The following GFI1 variants were observed in gnomAD, a reference collection of about 807,000 sequenced individuals.
GFI1 encodes the protein zinc finger protein Gfi-1.
Under a neutral mutation model 39.2 loss-of-function variants are expected in GFI1, and 15 were observed. The ratio of observed to expected loss-of-function variants is 0.38; its 90% CI spans 0.26 to 0.59. The LOEUF is 0.59. GFI1 is among the 20% of genes least tolerant of loss of function. The pLI is 0.62. For synonymous variants in GFI1, 239 were observed against 254.3 expected (o/e 0.94, Z 0.57); for missense variants, 475 against 574.0 (o/e 0.83, Z 1.76).
Position 92,481,169 on chromosome 1 carries a change from G to C in GFI1, c.299-81C>G. 1 of 1,249,510 alleles carries C rather than the reference G, an allele frequency of 8.0e-7. No homozygotes were observed. The highest frequency in any genetic ancestry group is 1.3e-5 in the South Asian group (1 of 78,716). The allele number at this position is 1,249,510 out of a possible 1,614,324, so 77.4% of individuals were successfully genotyped here. ...GCCGGGCTGCGGCTGCGAGCGTGGCGTGTTCGCGGACTGCGGGGCACCCAG... is the reference window on the plus strand; with the variant it reads ...GCCGGGCTGCGGCTGCGAGCGTGGCCTGTTCGCGGACTGCGGGGCACCCAG... On this transcript the variant is annotated intron_variant, in intron 3 of 6. Transcript: ENST00000294702. The surrounding 1 kb of genome is among the most constrained non-coding windows in gnomAD (Gnocchi z 4.3).
Position 92,480,903 on chromosome 1 carries a change from C to G in GFI1, c.484G>C (p.Gly162Arg). The change falls in exon 4 of 7, where the codon GGC becomes CGC. Residue 162 changes from glycine (G) to arginine (R), a missense_variant. Coordinates refer to ENST00000294702, the MANE Select transcript of GFI1 (RefSeq NM_005263.5). The surrounding 1 kb of genome is among the most constrained non-coding windows in gnomAD (Gnocchi z 5.6). ...GLFCEPAPEP[G>R]HPAALYGPKR... ...GGGCCGTACAGCGCGGCCGGGTGGC[C>G]AGGCTCCGGGGCGGGTTCGCAGAAG... is the stretch of plus-strand genomic sequence containing the variant. The G allele has an allele frequency of 6.5e-7, 1 of 1,546,006 alleles. No homozygotes were observed. The highest frequency in any genetic ancestry group is 8.7e-7 in the Non-Finnish European group (1 of 1,145,136).
In GFI1 at chr1:92,483,395, A is replaced by T; in HGVS notation, c.93T>A (p.Asn31Lys). The T allele has an allele frequency of 6.2e-7, 1 of 1,611,188 alleles. No individual in the cohort carries two copies. Among genetic ancestry groups the T allele is most frequent in the Non-Finnish European group, 8.5e-7 (1 of 1,177,560 alleles). Residue 31 changes from asparagine to lysine, a missense_variant, in exon 2 of 7, where the codon AAT (asparagine) becomes AAA (lysine). Transcript: ENST00000294702. ...CACCTGCTCGGCTAGGCGCCGGTAC[A>T]TTCTCTAAACGGAGGGAATAGTCTG... ...PGPDYSLRLE[N>K]VPAPSRADST...
chr1:92,478,501 CACCA>C, intron 6 of GFI1, 83 bp downstream of exon 6: 2 of 1,142,848 alleles, frequency 1.8e-6, no homozygotes, highest in Non-Finnish European at 1.3e-6. Context: ...AGGCCTCATC[CACCA>C]CTCACTGGGG....
chr1:92,479,616 C>T (rs979533004), intron 5 of GFI1, among the ~76,000 whole-genome samples: 1 of 152,150 alleles, frequency 6.6e-6, no homozygotes, highest in African/African-American at 2.4e-5. Flanking sequence ...CTTTGGGAGG[C>T]CCAGGCTGGT....
chr1:92,474,090 G>T lies in GFI1; in HGVS notation c.*1939C>A, dbSNP rs1395503918. The stretch of plus-strand genomic sequence containing the variant: ...GGGATTTTGGCCAGGATTTTATTCT[G>T]GTTTCATTCTCTTAAAGGATTGACT... On this transcript the variant is annotated 3_prime_UTR_variant, in exon 7 of 7. Coordinates refer to ENST00000294702, the MANE Select transcript of GFI1 (RefSeq NM_005263.5). 6.6e-6 allele frequency among the ~76,000 whole-genome samples: 1 copy of T among 152,172 alleles called. No individual in the cohort carries two copies. Among genetic ancestry groups the T allele is most frequent in the East Asian group, 1.9e-4 (1 of 5,196 alleles).
chr1:92,478,874 T>C, intron 5 of GFI1, 121 bp from the exon 6 acceptor site: 1 of 1,354,774 alleles, frequency 7.4e-7, no homozygotes, highest in Non-Finnish European at 1.0e-6. Context: ...GAACACTTTT[T>C]CTTTCTTTTT....
chr1:92,474,867 G>A lies in GFI1; in HGVS notation c.*1162C>T, dbSNP rs1657884096. 6.6e-6 allele frequency: 1 copy of A among 152,638 alleles called. No individual in the cohort carries two copies. The allele number at this position is 152,638 out of a possible 1,614,324, so 9.5% of individuals were successfully genotyped here. A position where few individuals can be genotyped will look rare whatever the true frequency, so the allele number is the denominator to read the frequency against. ...AAAAACATTTACCAACCTCATCAAA[G>A]TGAAAATACCACCTTTCCCCCCTCT... is the stretch of plus-strand genomic sequence containing the variant. On this transcript the variant is annotated 3_prime_UTR_variant, in exon 7 of 7. Transcript: ENST00000294702.
chr1:92,484,765 T>C lies in GFI1; in HGVS notation c.-99-1179A>G, dbSNP rs541856093. 2.6e-5 allele frequency: 4 copies of C among 152,338 alleles called. No individual in the cohort carries two copies. Among genetic ancestry groups the C allele is most frequent in the Admixed American group, 6.5e-5 (1 of 15,300 alleles). 9.4% of individuals were successfully genotyped at this position (152,338 alleles called of 1,614,324 possible). On this transcript the variant is annotated intron_variant, in intron 1 of 6. Coordinates refer to ENST00000294702, the MANE Select transcript of GFI1 (RefSeq NM_005263.5). This position sits in a 1 kb window ranked among gnomAD's most constrained non-coding sequence, Gnocchi z 4.1. ...GCGGTACCCCACAGTCGAGGTGGTC[T>C]GGAGTAAACGAATCTGCCTTCCTCC...
chr1:92,486,855 C>A lies in GFI1; in HGVS notation c.-229G>T, dbSNP rs938478711. ...GGCGGCGCGTCCCGCGGGCGCCCGGCGGGACCGGTGGGCGCACCCTCCCTG... is the reference window on the plus strand; with the variant it reads ...GGCGGCGCGTCCCGCGGGCGCCCGGAGGGACCGGTGGGCGCACCCTCCCTG... On this transcript the variant is annotated 5_prime_UTR_variant, in exon 1 of 7. Coordinates refer to ENST00000294702, the MANE Select transcript of GFI1 (RefSeq NM_005263.5). 1 of 152,136 alleles carries A rather than the reference C, an allele frequency of 6.6e-6. No individual in the cohort carries two copies. Among genetic ancestry groups the A allele is most frequent in the Non-Finnish European group, 1.5e-5 (1 of 67,998 alleles). The allele number at this position is 152,136 out of a possible 1,614,324, so 9.4% of individuals were successfully genotyped here. A position where few individuals can be genotyped will look rare whatever the true frequency, so the allele number is the denominator to read the frequency against.
At position 92,473,500 on chromosome 1, in the gene GFI1, G is replaced by A. The variant is rs1345864704; in HGVS notation, c.*2529C>T. On this transcript the variant is annotated 3_prime_UTR_variant, in exon 7 of 7. Coordinates refer to ENST00000294702, the MANE Select transcript of GFI1 (RefSeq NM_005263.5). The stretch of plus-strand genomic sequence containing the variant: ...CGCTGCAACTGTTCATCATCCATCA[G>A]TTCTGAAAAACTATCTTAAACTCCA... Among the ~76,000 whole-genome samples the A allele has an allele frequency of 5.3e-5, 8 of 152,138 alleles. No individual in the cohort carries two copies.
In GFI1 at chr1:92,486,210, C is replaced by G. The variant is rs879888857; in HGVS notation, c.-100+516G>C. 2.6e-5 allele frequency: 4 copies of G among 152,536 alleles called. No homozygotes were observed. In the East Asian group the frequency reaches 7.7e-4, roughly 29 times the overall value. 9.4% of individuals were successfully genotyped at this position (152,536 alleles called of 1,614,324 possible). A position where few individuals can be genotyped will look rare whatever the true frequency, so the allele number is the denominator to read the frequency against. ...CCCTCCCAGACCTGCTCCCAACCCCCGTCGGGCGGCCGGGCGCGCTCCTTT... is the reference window on the plus strand; with the variant it reads ...CCCTCCCAGACCTGCTCCCAACCCCGGTCGGGCGGCCGGGCGCGCTCCTTT... On this transcript the variant is annotated intron_variant, in intron 1 of 6. Coordinates refer to ENST00000294702, the MANE Select transcript of GFI1 (RefSeq NM_005263.5).
In GFI1 at chr1:92,481,234, C is replaced by A; in HGVS notation, c.299-146G>T. 1.3e-6 allele frequency: 1 copy of A among 772,536 alleles called. No individual in the cohort carries two copies. Among genetic ancestry groups the A allele is most frequent in the Non-Finnish European group, 2.2e-6 (1 of 459,096 alleles). The allele number at this position is 772,536 out of a possible 1,614,324, so 47.9% of individuals were successfully genotyped here. On this transcript the variant is annotated intron_variant, in intron 3 of 6. Transcript: ENST00000294702. This position sits in a 1 kb window ranked among gnomAD's most constrained non-coding sequence, Gnocchi z 4.3. Reference sequence around the variant, plus strand: ...TGCGTGCGCCAGGTGCCAGGCTCGCCCCAGGGTAAAACGTGGCCCGGGCCC... The same window carrying A: ...TGCGTGCGCCAGGTGCCAGGCTCGCACCAGGGTAAAACGTGGCCCGGGCCC...
In GFI1 at chr1:92,482,582, C is replaced by T. The variant is rs1279055079; in HGVS notation, c.298+282G>A. On this transcript the variant is annotated intron_variant, in intron 3 of 6. Coordinates refer to ENST00000294702, the MANE Select transcript of GFI1 (RefSeq NM_005263.5). The surrounding 1 kb of genome is among the most constrained non-coding windows in gnomAD (Gnocchi z 4.4). Reference sequence around the variant, plus strand: ...AGGTCAGCGTTGCCGCCAGTCGAAACGACTGGTTTGTTTTCCGTCACTGGC... The same window carrying T: ...AGGTCAGCGTTGCCGCCAGTCGAAATGACTGGTTTGTTTTCCGTCACTGGC... 6.6e-6 allele frequency among the ~76,000 whole-genome samples: 1 copy of T among 152,188 alleles called. No individual in the cohort carries two copies. The highest frequency in any genetic ancestry group is 1.5e-5 in the Non-Finnish European group (1 of 68,034).
rs749086151 is a variant in GFI1, at chr1:92,480,023, CAG to C, written c.924+323_924+324del. On this transcript the variant is annotated intron_variant, in intron 5 of 6. Coordinates refer to ENST00000294702, the MANE Select transcript of GFI1 (RefSeq NM_005263.5). The surrounding 1 kb of genome is among the most constrained non-coding windows in gnomAD (Gnocchi z 5.6). ...GGTGAAAAGAATAGGCACAAAGAAACAGAGCTAGTAAGTCTGATATATCAGCA... is the reference window on the plus strand; with the variant it reads ...GGTGAAAAGAATAGGCACAAAGAAACAGCTAGTAAGTCTGATATATCAGCA... Among the ~76,000 whole-genome samples, 2 of 152,136 alleles carry C rather than the reference CAG, an allele frequency of 1.3e-5. No homozygotes were observed. The highest frequency in any genetic ancestry group is 1.5e-5 in the Non-Finnish European group (1 of 68,020).
chr1:92,483,414 T>C lies in GFI1; in HGVS notation c.74A>G (p.Tyr25Cys), dbSNP rs375422035. 5.0e-6 allele frequency: 8 copies of C among 1,613,066 alleles called. No individual in the cohort carries two copies. The highest frequency in any genetic ancestry group is 2.7e-5 in the African/African-American group (2 of 74,904). The part of the protein sequence containing the change: ...YHQPRSPGPD[Y>C]SLRLENVPAP... ...CGGTACATTCTCTAAACGGAGGGAA[T>C]AGTCTGGTCCTGGGGAGCGCGGCTG... The change falls in exon 2 of 7, where the codon TAT becomes TGT. Residue 25 changes from tyrosine (Y) to cysteine (C), a missense_variant. Tyr to Cys is a radical substitution (Grantham distance 194, BLOSUM62 -2). Transcript: ENST00000294702.
In GFI1 at chr1:92,476,000, T is replaced by C; in HGVS notation, c.*29A>G. The C allele has an allele frequency of 6.2e-7, 1 of 1,608,498 alleles. No individual in the cohort carries two copies. The highest frequency in any genetic ancestry group is 8.5e-7 in the Non-Finnish European group (1 of 1,176,088). Reference sequence around the variant, plus strand: ...GGAGGCTGCCCTCTGTAGTGTTGTGTAGCTGCTGCTTGCAGCCAGCCAGGG... The same window carrying C: ...GGAGGCTGCCCTCTGTAGTGTTGTGCAGCTGCTGCTTGCAGCCAGCCAGGG... On this transcript the variant is annotated 3_prime_UTR_variant, in exon 7 of 7. Transcript: ENST00000294702.
Position 92,484,961 on chromosome 1 carries a change from C to CT in GFI1, c.-99-1376dup, listed in dbSNP as rs1658458298. ...GCCGGACTAGGAGCCCCTCGGCTTC[C>CT]TAGGCAAGATGCAGGCCACACAGTC... is the stretch of plus-strand genomic sequence containing the variant. On this transcript the variant is annotated intron_variant, in intron 1 of 6. Transcript: ENST00000294702. The surrounding 1 kb of genome is among the most constrained non-coding windows in gnomAD (Gnocchi z 4.1). Among the ~76,000 whole-genome samples, 1 of 152,192 alleles carries CT rather than the reference C, an allele frequency of 6.6e-6. No individual in the cohort carries two copies. The highest frequency in any genetic ancestry group is 2.4e-5 in the African/African-American group (1 of 41,448).
chr1:92,482,804 C>G lies in GFI1; in HGVS notation c.298+60G>C. On this transcript the variant is annotated intron_variant, in intron 3 of 6. Coordinates refer to ENST00000294702, the MANE Select transcript of GFI1 (RefSeq NM_005263.5). This position sits in a 1 kb window ranked among gnomAD's most constrained non-coding sequence, Gnocchi z 4.4. ...TCTACGCCCAAGGTCGCGCCAATTC[C>G]CCCCCAGCACTGCCGGGTCCCTGCA... is the stretch of plus-strand genomic sequence containing the variant. 7.3e-7 allele frequency: 1 copy of G among 1,360,998 alleles called. No individual in the cohort carries two copies. Among genetic ancestry groups the G allele is most frequent in the Non-Finnish European group, 1.1e-6 (1 of 951,226 alleles). The allele number at this position is 1,360,998 out of a possible 1,614,324, so 84.3% of individuals were successfully genotyped here. A position where few individuals can be genotyped will look rare whatever the true frequency, so the allele number is the denominator to read the frequency against.
At chr1:92,483,699 G>C in intron 1 of GFI1, 113 bp from the exon 2 acceptor site, 1 of 608,698 alleles carries the variant, frequency 1.6e-6, no homozygotes, top group Non-Finnish European at 3.0e-6. Context: ...GAGGGCCCAC[G>C]GGAGGAGGGG....
Sources: gnomAD v4.1 joint callset for allele counts (sites outside exome capture counted in the v4.1 genomes callset) on GRCh38, gnomAD v4.1.1 for gene constraint, Gnocchi (gnomAD v3.1) non-coding constraint, MANE v1.5 for transcripts, NCBI Gene and HGNC (gene_info 2026-07-23, HGNC 2026-07-21) for gene names.